The following JAKMIP1 variants were observed in gnomAD, a reference collection of about 807,000 sequenced individuals.
The protein encoded by JAKMIP1 is janus kinase and microtubule-interacting protein 1.
JAKMIP1 carries 33 observed loss-of-function variants against 113.0 expected under a neutral mutation model. The ratio of observed to expected loss-of-function variants is 0.29; its 90% confidence interval spans 0.22 to 0.39. The LOEUF is 0.39. Ranked by LOEUF, JAKMIP1 falls within the 10% of genes least tolerant of loss-of-function variation. JAKMIP1 has a pLI of 1.00. For missense variants in JAKMIP1, 813 were observed against 1,080.5 expected (o/e 0.75, Z 3.47); for synonymous variants, 480 against 459.9 (o/e 1.04, Z -0.56).
At chr4:6,095,177 A>G (rs1003825613) in intron 3 of JAKMIP1, among the ~76,000 whole-genome samples, 3 of 150,214 alleles carry the variant, frequency 2.0e-5, no homozygotes, top group Non-Finnish European at 4.4e-5. Context: ...GAAGGGAAGG[A>G]AAGGAAGAAG....
intron 5 of JAKMIP1, among the ~76,000 whole-genome samples, chr4:6,082,487 A>C (rs1160525166): frequency 6.7e-6 from 1 of 150,056 alleles, no homozygotes; most frequent in Non-Finnish European, 1.5e-5. Context: ...TTTTTTTTCG[A>C]GACAGAAGGT....
In JAKMIP1 at chr4:6,136,057, C is replaced by T. The variant is rs973349814; in HGVS notation, c.-147-23060G>A. Among the ~76,000 whole-genome samples, 8 of 152,106 alleles carry T rather than the reference C, an allele frequency of 5.3e-5. No homozygotes were observed. The highest frequency in any genetic ancestry group is 9.7e-5 in the African/African-American group (4 of 41,402). The stretch of plus-strand genomic sequence containing the variant: ...GGTCAGGAGTTCAAGATCAGCCTGG[C>T]GAACAGGGTGAAACCCCATCTCTAC... On this transcript the variant is annotated intron_variant, in intron 1 of 20. Coordinates refer to ENST00000409021, the MANE Select transcript of JAKMIP1 (RefSeq NM_001099433.2). The surrounding 1 kb of genome is among the most constrained non-coding windows in gnomAD (Gnocchi z 5.9).
In JAKMIP1 at chr4:6,081,828, G is replaced by A. The variant is rs1219753883; in HGVS notation, c.955-73C>T. On this transcript the variant is annotated intron_variant, in intron 5 of 20. Coordinates refer to ENST00000409021, the MANE Select transcript of JAKMIP1 (RefSeq NM_001099433.2). The surrounding 1 kb of genome is among the most constrained non-coding windows in gnomAD (Gnocchi z 4.6). ...GGCCGAGGTCACAGCACCGAGGTGA[G>A]CAGAGACTCAACCCAGTTAGGACCC... 2.5e-6 allele frequency: 4 copies of A among 1,574,842 alleles called. No individual in the cohort carries two copies. The highest frequency in any genetic ancestry group is 1.3e-5 in the African/African-American group (1 of 74,184).
rs1314954665 is a variant in JAKMIP1 at position 6,138,423 on chromosome 4, G to C, written c.-147-25426C>G. ...GGCTCATTTTTGTATTTTTAGTAGAGATGGGGTTTCGCCATGTTGACCAGG... is the reference window on the plus strand; with the variant it reads ...GGCTCATTTTTGTATTTTTAGTAGACATGGGGTTTCGCCATGTTGACCAGG... On this transcript the variant is annotated intron_variant, in intron 1 of 20. Coordinates refer to ENST00000409021, the MANE Select transcript of JAKMIP1 (RefSeq NM_001099433.2). This position sits in a 1 kb window ranked among gnomAD's most constrained non-coding sequence, Gnocchi z 6.0. Among the ~76,000 whole-genome samples, 6 of 152,010 alleles carry C rather than the reference G, an allele frequency of 3.9e-5. No individual in the cohort carries two copies. The highest frequency in any genetic ancestry group is 1.2e-4 in the African/African-American group (5 of 41,360).
At chr4:6,166,332 C>T (rs1185960940) in intron 1 of JAKMIP1, among the ~76,000 whole-genome samples, 9 of 152,206 alleles carry the variant, frequency 5.9e-5, no homozygotes, top group Non-Finnish European at 1.3e-4. Flanking sequence ...TGAAGGGCCC[C>T]TGGGCTCCCC....
In JAKMIP1 at chr4:6,162,560, T is replaced by A. The variant is rs1164166246; in HGVS notation, c.-148+37693A>T. ...AGTATTAGTGTTCTGATTAGCAGGT[T>A]AACTTGCACAAGGCAGTCATGTCAA... is the stretch of plus-strand genomic sequence containing the variant. On this transcript the variant is annotated intron_variant, in intron 1 of 20. Coordinates refer to ENST00000409021, the MANE Select transcript of JAKMIP1 (RefSeq NM_001099433.2). The surrounding 1 kb of genome is among the most constrained non-coding windows in gnomAD (Gnocchi z 5.6). 2.0e-5 allele frequency among the ~76,000 whole-genome samples: 3 copies of A among 152,222 alleles called. No homozygotes were observed. The highest frequency in any genetic ancestry group is 3.9e-4 in the East Asian group (2 of 5,190).
chr4:6,194,571 C>T lies in JAKMIP1; in HGVS notation c.-148+5682G>A, dbSNP rs1435930018. ...CTGTAGTGATGTGTCCCACCCCCTC[C>T]AGTGCTGTGGAGGGACCCGGGTCAG... is the stretch of plus-strand genomic sequence containing the variant. On this transcript the variant is annotated intron_variant, in intron 1 of 20. Transcript: ENST00000409021. The surrounding 1 kb of genome is among the most constrained non-coding windows in gnomAD (Gnocchi z 7.4). The T allele has an allele frequency of 1.3e-5, 2 of 152,282 alleles. No homozygotes were observed. The highest frequency in any genetic ancestry group is 2.9e-5 in the Non-Finnish European group (2 of 68,132). The allele number at this position is 152,282 out of a possible 1,614,324, so 9.4% of individuals were successfully genotyped here.
chr4:6,191,682 C>G (rs1285062269), intron 1 of JAKMIP1, among the ~76,000 whole-genome samples: 1 of 152,198 alleles, frequency 6.6e-6, no homozygotes, highest in Non-Finnish European at 1.5e-5. Flanking sequence ...CCCTCTGGAG[C>G]TTACAGCTAC....
At chr4:6,062,777 C>T (rs11935435) in intron 9 of JAKMIP1, among the ~76,000 whole-genome samples, 8 of 152,100 alleles carry the variant, frequency 5.3e-5, no homozygotes, top group Admixed American at 5.2e-4. Flanking sequence ...ATGGAACCAG[C>T]CCCAACTCCA....
chr4:6,165,229 T>C (rs56247508), intron 1 of JAKMIP1, among the ~76,000 whole-genome samples: 74,430 of 152,150 alleles, frequency 0.49, 22,155 homozygotes, highest in East Asian at 0.76. Context: ...AGCAAAAAGA[T>C]TATGTTGAAA....
chr4:6,165,576 C>T (rs113975663), intron 1 of JAKMIP1, among the ~76,000 whole-genome samples: 3,285 of 152,350 alleles, frequency 0.022, 113 homozygotes, highest in African/African-American at 0.069. Context: ...GCTGGGATTA[C>T]AGGCATGAGC....
chr4:6,137,414 T>C lies in JAKMIP1; in HGVS notation c.-147-24417A>G, dbSNP rs148588596. On this transcript the variant is annotated intron_variant, in intron 1 of 20. Coordinates refer to ENST00000409021, the MANE Select transcript of JAKMIP1 (RefSeq NM_001099433.2). The surrounding 1 kb of genome is among the most constrained non-coding windows in gnomAD (Gnocchi z 4.5). The stretch of plus-strand genomic sequence containing the variant: ...TCAGGAAATTCACGGCTCTGGCCCA[T>C]GGAACCTTAATCACGTCACACCTGA... 2.0e-5 allele frequency among the ~76,000 whole-genome samples: 3 copies of C among 152,344 alleles called. No individual in the cohort carries two copies. Among genetic ancestry groups the C allele is most frequent in the Non-Finnish European group, 4.4e-5 (3 of 68,032 alleles).
chr4:6,029,455 G>A (rs1487352226), intron 20 of JAKMIP1, among the ~76,000 whole-genome samples: 1 of 152,198 alleles, frequency 6.6e-6, no homozygotes, highest in Non-Finnish European at 1.5e-5. Flanking sequence ...AGGGATTCAG[G>A]GGAAAGTCTT....
At chr4:6,058,730 G>A (rs1405372284) in intron 11 of JAKMIP1, among the ~76,000 whole-genome samples, 1 of 152,190 alleles carries the variant, frequency 6.6e-6, no homozygotes, top group African/African-American at 2.4e-5. Flanking sequence ...CACCCTTTCT[G>A]CAGAAAGGAA....
Position 6,033,063 on chromosome 4 carries a change from A to G in JAKMIP1, c.2379+2841T>C, listed in dbSNP as rs1297881274. 3.3e-5 allele frequency among the ~76,000 whole-genome samples: 5 copies of G among 152,320 alleles called. No individual in the cohort carries two copies. The East Asian group carries it at 7.7e-4, about 23-fold the overall frequency. On this transcript the variant is annotated intron_variant, in intron 19 of 20. Coordinates refer to ENST00000409021, the MANE Select transcript of JAKMIP1 (RefSeq NM_001099433.2). The stretch of plus-strand genomic sequence containing the variant: ...CACCAGTGGCTTCACTCCAACCTTC[A>G]CTCAGGCAGAACCTTTTACAAAAGT...
chr4:6,083,433 C>T (rs1014355926), intron 5 of JAKMIP1, among the ~76,000 whole-genome samples: 9 of 151,526 alleles, frequency 5.9e-5, no homozygotes, highest in Admixed American at 2.6e-4. Context: ...GAAGCGTTGG[C>T]AAACTTATTA....
rs1720282143 is a variant in JAKMIP1, at chr4:6,080,098, C to A, written c.1242+74G>T. The A allele has an allele frequency of 2.0e-6, 3 of 1,493,012 alleles. No homozygotes were observed. In the Admixed American group the frequency reaches 6.2e-5, roughly 31 times the overall value. 92.5% of individuals were successfully genotyped at this position (1,493,012 alleles called of 1,614,324 possible). ...TCAGCAGCATCACCCTGAGCCCCAA[C>A]ACCCGTTCCTGACACCCATGTCAGC... On this transcript the variant is annotated intron_variant, in intron 7 of 20. Transcript: ENST00000409021. The surrounding 1 kb of genome is among the most constrained non-coding windows in gnomAD (Gnocchi z 6.0).
rs1717982229 is a variant in JAKMIP1 at position 6,065,810 on chromosome 4, A to T, written c.1303-802T>A. Reference sequence around the variant, plus strand: ...GCTTCATTCATCTGTCTATCAATTCATTCACTCAGAAAACACTGGCAAAGC... The same window carrying T: ...GCTTCATTCATCTGTCTATCAATTCTTTCACTCAGAAAACACTGGCAAAGC... On this transcript the variant is annotated intron_variant, in intron 8 of 20. Coordinates refer to ENST00000409021, the MANE Select transcript of JAKMIP1 (RefSeq NM_001099433.2). The surrounding 1 kb of genome is among the most constrained non-coding windows in gnomAD (Gnocchi z 5.1). Among the ~76,000 whole-genome samples the T allele has an allele frequency of 6.6e-6, 1 of 152,132 alleles. No homozygotes were observed. The highest frequency in any genetic ancestry group is 2.4e-5 in the African/African-American group (1 of 41,414).
intron 1 of JAKMIP1, among the ~76,000 whole-genome samples, chr4:6,171,738 A>C (rs1724755464): frequency 6.6e-6 from 1 of 152,164 alleles, no homozygotes; most frequent in Non-Finnish European, 1.5e-5. Flanking sequence ...TGCAGGTAGG[A>C]CTGTGCTTCT....
Sources: gnomAD v4.1 joint callset for allele counts (sites outside exome capture counted in the v4.1 genomes callset) on GRCh38, gnomAD v4.1.1 for gene constraint, Gnocchi (gnomAD v3.1) non-coding constraint, MANE v1.5 for transcripts, NCBI Gene and HGNC (gene_info 2026-07-23, HGNC 2026-07-21) for gene names.